Variants in WDR70 observed in about 807,000 individuals in gnomAD.
The protein encoded by WDR70 is WD repeat-containing protein 70.
Under a neutral mutation model 88.6 loss-of-function variants are expected in WDR70, and 53 were observed. The observed-to-expected ratio is 0.60, with a 90% confidence interval of 0.48 to 0.75. The LOEUF (loss-of-function observed/expected upper bound fraction) is 0.75, where lower values mean the gene tolerates loss of function less well. Ranked by LOEUF, WDR70 falls within the 30% of genes least tolerant of loss-of-function variation. WDR70 has a pLI of 0.00. For missense variants in WDR70, 610 were observed against 823.2 expected, an observed-to-expected ratio of 0.74 and a Z score of 3.17; for synonymous variants, 280 against 270.0, an observed-to-expected ratio of 1.04 and a Z score of -0.36.
intron 9 of WDR70, among the ~76,000 whole-genome samples, chr5:37,552,741 T>G (rs1742181859): frequency 6.6e-6 from 1 of 152,230 alleles, no homozygotes; most frequent in South Asian, 2.1e-4. Context: ...TCTACTATTT[T>G]GGGTCGTTCG....
At chr5:37,389,995 G>C (rs139677224) in intron 3 of WDR70, among the ~76,000 whole-genome samples, 130 of 152,246 alleles carry the variant, frequency 8.5e-4, no homozygotes, top group African/African-American at 3.0e-3. Flanking sequence ...CATTCCACTT[G>C]ATAAGTGTCC....
chr5:37,585,388 T>C (rs547612673), intron 9 of WDR70, among the ~76,000 whole-genome samples: 12 of 152,338 alleles, frequency 7.9e-5, no homozygotes, highest in African/African-American at 2.9e-4. Context: ...ACTTGTTTTA[T>C]GTCCCCAGAT....
intron 13 of WDR70, among the ~76,000 whole-genome samples, chr5:37,707,938 AAAAAAAAAAAATATATATATATATAT>A (rs1747388362): frequency 1.9e-4 from 7 of 36,272 alleles, no homozygotes; most frequent in African/African-American, 6.9e-4. Context: ...AAAAAAAAAA[AAAAAAAAAAAATATATATATATATAT>A]ATATATATAT....
intron 5 of WDR70, among the ~76,000 whole-genome samples, chr5:37,415,755 G>A (rs1345822878): frequency 1.3e-5 from 2 of 150,454 alleles, no homozygotes; most frequent in South Asian, 2.1e-4. Flanking sequence ...CTTCTCAGAC[G>A]GGGCGGCTGC....
intron 10 of WDR70, among the ~76,000 whole-genome samples, chr5:37,622,576 T>G (rs1473488881): frequency 1.3e-5 from 2 of 152,054 alleles, no homozygotes; most frequent in Non-Finnish European, 1.5e-5. Flanking sequence ...AAAGGGTGAG[T>G]TCATGTCCTT....
chr5:37,494,265 T>C (rs958206761), intron 8 of WDR70, among the ~76,000 whole-genome samples: 2 of 152,218 alleles, frequency 1.3e-5, no homozygotes, highest in Admixed American at 1.3e-4. Context: ...GATATTGGGA[T>C]AGGGCCTTCA....
At chr5:37,608,707 G>A (rs551994772) in intron 10 of WDR70, among the ~76,000 whole-genome samples, 9 of 152,126 alleles carry the variant, frequency 5.9e-5, no homozygotes, top group African/African-American at 1.9e-4. Context: ...ACGGGCATGC[G>A]CCACCATGCC....
intron 13 of WDR70, among the ~76,000 whole-genome samples, chr5:37,715,754 A>G (rs1747635814): frequency 6.6e-6 from 1 of 152,176 alleles, no homozygotes; most frequent in Admixed American, 6.5e-5. Context: ...TTTAATATAG[A>G]AAACAGTTTT....
rs569614135 is a variant in WDR70 at position 37,643,014 on chromosome 5, T to C, written c.1092+37776T>C. On this transcript the variant is annotated intron_variant, in intron 10 of 17. Transcript: ENST00000265107. Reference sequence around the variant, plus strand: ...CTTCATAAGATCTCATTTATCTATTTTTGCTTTGATTACCTATGCTTGTGG... The same window carrying C: ...CTTCATAAGATCTCATTTATCTATTCTTGCTTTGATTACCTATGCTTGTGG... Among the ~76,000 whole-genome samples the C allele has an allele frequency of 1.1e-3, 161 of 152,280 alleles. 2 individuals carry two copies. The highest frequency in any genetic ancestry group is 0.01 in the Middle Eastern group (3 of 294).
chr5:37,749,094 AT>A (rs532052825), intron 17 of WDR70, among the ~76,000 whole-genome samples: 108 of 152,350 alleles, frequency 7.1e-4, no homozygotes, highest in African/African-American at 2.4e-3. Context: ...TGACCCAGCA[AT>A]CCCATTACTG....
At chr5:37,698,110 T>G (rs1747036042) in intron 11 of WDR70, among the ~76,000 whole-genome samples, 1 of 152,192 alleles carries the variant, frequency 6.6e-6, no homozygotes. Context: ...GTCTGGTACT[T>G]CAAAGTCTTC....
chr5:37,749,237 G>A (rs1233782632), intron 17 of WDR70, among the ~76,000 whole-genome samples: 1 of 152,144 alleles, frequency 6.6e-6, no homozygotes, highest in Non-Finnish European at 1.5e-5. Context: ...ACTGGATAAA[G>A]AAGTATAGTA....
At chr5:37,499,587 T>TTCTCTCTCTCTCTCTCTCTCTC (rs72226896) in intron 8 of WDR70, among the ~76,000 whole-genome samples, 4 of 41,852 alleles carry the variant, frequency 9.6e-5, no homozygotes, top group African/African-American at 2.4e-4. Context: ...TTTGGAAATA[T>TTCTCTCTCTCTCTCTCTCTCTC]TCTCTCTCTC....
At chr5:37,595,515 C>A (rs1232340427) in intron 9 of WDR70, among the ~76,000 whole-genome samples, 1 of 152,026 alleles carries the variant, frequency 6.6e-6, no homozygotes, top group African/African-American at 2.4e-5. Context: ...TCAGTTCTTC[C>A]CAAATTCATG....
chr5:37,649,619 A>G (rs887411474), intron 10 of WDR70, among the ~76,000 whole-genome samples: 12 of 151,482 alleles, frequency 7.9e-5, no homozygotes, highest in African/African-American at 2.9e-4. Context: ...TAGATGTGAT[A>G]CAAGTATCTT....
intron 7 of WDR70, among the ~76,000 whole-genome samples, chr5:37,467,526 T>G (rs1345283621): frequency 4.9e-5 from 6 of 123,470 alleles, no homozygotes; most frequent in Admixed American, 1.1e-4. Context: ...TAGGGCTTTA[T>G]CATATGAATT....
intron 3 of WDR70, among the ~76,000 whole-genome samples, chr5:37,383,032 T>TA (rs1259953135): frequency 6.7e-6 from 1 of 149,320 alleles, no homozygotes; most frequent in Non-Finnish European, 1.5e-5. Context: ...AAAAATAAAA[T>TA]AAAATAAAAT....
At chr5:37,578,714 C>T (rs1743128395) in intron 9 of WDR70, among the ~76,000 whole-genome samples, 1 of 152,134 alleles carries the variant, frequency 6.6e-6, no homozygotes, top group South Asian at 2.1e-4. Context: ...ACTCTGTTCT[C>T]AAAGAGTTCA....
intron 10 of WDR70, among the ~76,000 whole-genome samples, chr5:37,620,398 C>T (rs1744475961): frequency 6.6e-6 from 1 of 152,084 alleles, no homozygotes; most frequent in African/African-American, 2.4e-5. Context: ...CAGGTAGTAA[C>T]CCTGTTTTAT....
Sources: gnomAD v4.1 joint callset for allele counts (sites outside exome capture counted in the v4.1 genomes callset) on GRCh38, gnomAD v4.1.1 for gene constraint, MANE v1.5 for transcripts, NCBI Gene and HGNC (gene_info 2026-07-23, HGNC 2026-07-21) for gene names.